TMCC1: variants seen among roughly 807,000 people sequenced by gnomAD.
The protein encoded by TMCC1 is transmembrane and coiled-coil domain family 1.
In TMCC1, 15 loss-of-function variants were observed where a neutral mutation model predicts 52.4. The observed-to-expected ratio is 0.29, with a 90% CI of 0.19 to 0.44. The LOEUF is 0.44. Among genes scored for constraint, TMCC1 ranks in the 20% least tolerant of loss-of-function variants. The pLI is 1.00. For missense variants in TMCC1, 503 were observed against 806.0 expected (o/e 0.62, Z 4.55); for synonymous variants, 279 against 301.9 (o/e 0.92, Z 0.79).
chr3:129,793,375 T>C (rs1428172340), intron 4 of TMCC1, among the ~76,000 whole-genome samples: 1 of 152,204 alleles, frequency 6.6e-6, no homozygotes, highest in Non-Finnish European at 1.5e-5. Flanking sequence ...CTAAAGGTTT[T>C]CCCTTAAGAT....
intron 4 of TMCC1, among the ~76,000 whole-genome samples, chr3:129,732,571 G>A (rs1319548629): frequency 6.6e-6 from 1 of 151,968 alleles, no homozygotes; most frequent in African/African-American, 2.4e-5. Flanking sequence ...TAGGTCAATG[G>A]GATTCCCCTT....
chr3:129,650,760 A>G lies in TMCC1; in HGVS notation c.*721T>C, dbSNP rs1010614937. On this transcript the variant is annotated 3_prime_UTR_variant, in exon 7 of 7. Transcript: ENST00000393238. ...TTGGTAACTATACACATATAAAAAA[A>G]CCTTAAAAGTGCGGCCAAGGGATTT... is the stretch of plus-strand genomic sequence containing the variant. 1.2e-4 allele frequency: 19 copies of G among 152,626 alleles called. No individual in the cohort carries two copies. The highest frequency in any genetic ancestry group is 4.6e-4 in the African/African-American group (19 of 41,438). 9.5% of individuals were successfully genotyped at this position (152,626 alleles called of 1,614,324 possible). A position where few individuals can be genotyped will look rare whatever the true frequency, so the allele number is the denominator to read the frequency against.
intron 4 of TMCC1, among the ~76,000 whole-genome samples, chr3:129,738,504 T>C (rs1237148523): frequency 1.4e-5 from 2 of 138,358 alleles, no homozygotes; most frequent in Admixed American, 7.0e-5. Flanking sequence ...AAATGACTTG[T>C]AAAATTTATT....
chr3:129,692,175 G>A (rs2047071958), intron 4 of TMCC1, among the ~76,000 whole-genome samples: 1 of 152,072 alleles, frequency 6.6e-6, no homozygotes, highest in Non-Finnish European at 1.5e-5. Flanking sequence ...TCTGAACTTT[G>A]TAAACTTACT....
chr3:129,662,088 G>T (rs1269065037), intron 5 of TMCC1, among the ~76,000 whole-genome samples: 1 of 151,706 alleles, frequency 6.6e-6, no homozygotes, highest in Admixed American at 6.6e-5. Flanking sequence ...AAAGTCTTGG[G>T]TTTTTTTTAA....
intron 1 of TMCC1, among the ~76,000 whole-genome samples, chr3:129,891,025 T>C (rs1277391729): frequency 6.6e-6 from 1 of 152,204 alleles, no homozygotes; most frequent in Non-Finnish European, 1.5e-5. Flanking sequence ...AAGAATGACA[T>C]GTTATGTGGG....
intron 4 of TMCC1, among the ~76,000 whole-genome samples, chr3:129,779,280 A>G (rs2055316812): frequency 6.6e-6 from 1 of 152,096 alleles, no homozygotes; most frequent in Non-Finnish European, 1.5e-5. Context: ...TATCTCTTAT[A>G]TTTTAATACT....
At chr3:129,884,914 C>T (rs945179232) in intron 1 of TMCC1, among the ~76,000 whole-genome samples, 2 of 150,290 alleles carry the variant, frequency 1.3e-5, no homozygotes, top group African/African-American at 4.9e-5. Context: ...CTGAGGCAGG[C>T]AGGTTGCTTG....
At chr3:129,673,599 T>A (rs1475658729) in intron 4 of TMCC1, among the ~76,000 whole-genome samples, 1 of 152,086 alleles carries the variant, frequency 6.6e-6, no homozygotes, top group African/African-American at 2.4e-5. Context: ...ACCTGTAATC[T>A]CAGCACTTTG....
chr3:129,830,407 C>G (rs192365191), intron 3 of TMCC1, among the ~76,000 whole-genome samples: 1 of 152,268 alleles, frequency 6.6e-6, no homozygotes, highest in Non-Finnish European at 1.5e-5. Context: ...TAGTAATTAT[C>G]TCACCATTCC....
intron 4 of TMCC1, among the ~76,000 whole-genome samples, chr3:129,807,313 TTA>T (rs1188910972): frequency 6.6e-6 from 1 of 152,212 alleles, no homozygotes; most frequent in African/African-American, 2.4e-5. Flanking sequence ...GTGTCATAGC[TTA>T]TATGTTTATT....
chr3:129,692,903 T>C (rs1224786909), intron 4 of TMCC1, among the ~76,000 whole-genome samples: 1 of 152,058 alleles, frequency 6.6e-6, no homozygotes, highest in African/African-American at 2.4e-5. Context: ...AGTGCAGAGG[T>C]ACCATCTCGG....
intron 4 of TMCC1, among the ~76,000 whole-genome samples, chr3:129,743,246 G>A (rs888083005): frequency 2.0e-5 from 3 of 152,110 alleles, no homozygotes; most frequent in African/African-American, 4.8e-5. Flanking sequence ...CCACAGACGA[G>A]TCTCACTTGT....
chr3:129,654,710 T>A (rs1320932243), intron 6 of TMCC1, among the ~76,000 whole-genome samples: 1 of 152,196 alleles, frequency 6.6e-6, no homozygotes, highest in African/African-American at 2.4e-5. Flanking sequence ...ACAAATAGGA[T>A]TCATGTGGTT....
chr3:129,794,493 G>T (rs1223652993), intron 4 of TMCC1: 20 of 396,946 alleles, frequency 5.0e-5, no homozygotes, highest in Non-Finnish European at 3.9e-5. Context: ...GGGAGTCTTA[G>T]CAAACTTGGA....
chr3:129,737,364 G>A (rs1313973267), intron 4 of TMCC1, among the ~76,000 whole-genome samples: 3 of 151,910 alleles, frequency 2.0e-5, no homozygotes, highest in African/African-American at 7.3e-5. Flanking sequence ...ACCTGTAATC[G>A]CAGCTACTCA....
At chr3:129,861,707 A>G (rs2060406397) in intron 2 of TMCC1, among the ~76,000 whole-genome samples, 1 of 152,256 alleles carries the variant, frequency 6.6e-6, no homozygotes, top group South Asian at 2.1e-4. Context: ...TTAAAATCAA[A>G]GTATAACAAG....
intron 2 of TMCC1, among the ~76,000 whole-genome samples, chr3:129,872,485 T>A (rs2060976837): frequency 6.6e-6 from 1 of 152,234 alleles, no homozygotes; most frequent in Admixed American, 6.5e-5. Flanking sequence ...AAGCTCCCCA[T>A]GTAATTCTAT....
chr3:129,794,560 T>C (rs1179867380), intron 4 of TMCC1, among the ~76,000 whole-genome samples: 1 of 39,914 alleles, frequency 2.5e-5, no homozygotes, highest in African/African-American at 9.8e-5. Flanking sequence ...GAGGGCAGGG[T>C]GGGTGGGGCA....
Sources: gnomAD v4.1 joint callset for allele counts (sites outside exome capture counted in the v4.1 genomes callset) on GRCh38, gnomAD v4.1.1 for gene constraint, MANE v1.5 for transcripts, NCBI Gene and HGNC (gene_info 2026-07-23, HGNC 2026-07-21) for gene names.